BCL11A: variants seen among roughly 807,000 people sequenced by gnomAD.
BCL11A encodes B cell CLL/lymphoma 11A.
In BCL11A, 2 loss-of-function variants were observed where a neutral mutation model predicts 55.9. That is an observed-to-expected ratio of 0.04 (90% CI 0.01 to 0.11). BCL11A has a LOEUF of 0.11. BCL11A is among the 10% of genes least tolerant of loss of function. The probability of loss-of-function intolerance (pLI) is 1.00; values close to 1 mark genes in which losing one functional copy is unlikely to be tolerated. For missense variants in BCL11A, 817 were observed against 1,137.1 expected, an observed-to-expected ratio of 0.72 and a Z score of 4.05; for synonymous variants, 465 against 473.4, an observed-to-expected ratio of 0.98 and a Z score of 0.23.
chr2:60,468,024 T>TGGTGGTGGTGGTGCTGGTGGTC, intron 3 of BCL11A, among the ~76,000 whole-genome samples: 1 of 89,766 alleles, frequency 1.1e-5, no homozygotes, highest in Non-Finnish European at 2.4e-5. Flanking sequence ...GTGGTGGTGG[T>TGGTGGTGGTGGTGCTGGTGGTC]AGTGGTGGTG....
chr2:60,466,677 GGTAA>G (rs1676636631), intron 3 of BCL11A, among the ~76,000 whole-genome samples: 1 of 152,258 alleles, frequency 6.6e-6, no homozygotes, highest in South Asian at 2.1e-4. Context: ...TTACAAGATG[GGTAA>G]GTGTCATCTC....
rs548572394 is a variant in BCL11A, at chr2:60,531,016, C to A, written c.385+14955G>T. Among the ~76,000 whole-genome samples, 12 of 152,352 alleles carry A rather than the reference C, an allele frequency of 7.9e-5. No homozygotes were observed. In the South Asian group the frequency reaches 2.5e-3, roughly 32 times the overall value. On this transcript the variant is annotated intron_variant, in intron 2 of 3. Coordinates refer to ENST00000642384, the MANE Select transcript of BCL11A (RefSeq NM_022893.4). ...CTAAACCAGTCTGGCTACACCATGG[C>A]CAGGGAGAGTAACGCTCCCAATGTA...
At chr2:60,467,138 T>TGGTGGTGATGGTGGTGGTGG (rs1676687968) in intron 3 of BCL11A, among the ~76,000 whole-genome samples, 11 of 61,752 alleles carry the variant, frequency 1.8e-4, no homozygotes, top group Admixed American at 5.2e-4. Flanking sequence ...GATGGTGGTG[T>TGGTGGTGATGGTGGTGGTGG]TGGTGGTGAT....
chr2:60,462,081 G>T lies in BCL11A; in HGVS notation c.831C>A (p.His277Gln). The change falls in exon 4 of 4, where the codon CAC becomes CAA. Residue 277 changes from histidine to glutamine, a missense_variant. Transcript: ENST00000642384. ...CTTCCGCCCCCAGGCGCTCTATGCG[G>T]TGGGGGTCCAAGTGATGTCTCGGTG... ...SPPPRHHLDP[H>Q]RIERLGAEEM... 6.4e-7 allele frequency: 1 copy of T among 1,574,282 alleles called. No individual in the cohort carries two copies.
intron 2 of BCL11A, among the ~76,000 whole-genome samples, chr2:60,530,201 T>C (rs1669384281): frequency 6.6e-6 from 1 of 151,910 alleles, no homozygotes; most frequent in Non-Finnish European, 1.5e-5. Context: ...AGGCTGCGCC[T>C]CTAACAAGAG....
chr2:60,484,691 G>A (rs1166428683), intron 2 of BCL11A, among the ~76,000 whole-genome samples: 2 of 151,340 alleles, frequency 1.3e-5, no homozygotes, highest in African/African-American at 4.9e-5. Context: ...TTGGAGGGGG[G>A]CAAAAAAAGA....
At chr2:60,527,855 TTG>T (rs1351316652) in intron 2 of BCL11A, 3 of 152,230 alleles carry the variant, frequency 2.0e-5, no homozygotes, top group Admixed American at 6.5e-5. Context: ...TTGGAATACA[TTG>T]TGTAATCCAT....
exon 5 of BCL11A, chr2:60,451,799 A>C (rs757073038): frequency 4.3e-6 from 1 of 230,120 alleles, no homozygotes; most frequent in Non-Finnish European, 8.6e-6. Flanking sequence ...CCAAAAGCAT[A>C]TATTTGAAAA....
chr2:60,522,300 C>T (rs957837013), intron 2 of BCL11A: 8 of 152,176 alleles, frequency 5.3e-5, no homozygotes, highest in Non-Finnish European at 7.3e-5. Flanking sequence ...TCAGTAAACA[C>T]CTCTGTATGT....
chr2:60,459,295 A>G lies in BCL11A; in HGVS notation c.*1109T>C. 1 of 1,016,662 alleles carries G rather than the reference A, an allele frequency of 9.8e-7. No homozygotes were observed. The highest frequency in any genetic ancestry group is 4.6e-5 in the South Asian group (1 of 21,544). 63.0% of individuals were successfully genotyped at this position (1,016,662 alleles called of 1,614,324 possible). On this transcript the variant is annotated 3_prime_UTR_variant, in exon 4 of 4. Coordinates refer to ENST00000642384, the MANE Select transcript of BCL11A (RefSeq NM_022893.4). ...CAGTATTTTTAAAAAGACATTATTA[A>G]AGCAAATATCTTCATAAAATGAACT... is the stretch of plus-strand genomic sequence containing the variant.
intron 2 of BCL11A, among the ~76,000 whole-genome samples, chr2:60,509,743 G>A (rs917746954): frequency 6.6e-6 from 1 of 152,090 alleles, no homozygotes; most frequent in Non-Finnish European, 1.5e-5. Flanking sequence ...GCTATAGGCA[G>A]TCAACTGGGG....
At position 60,459,258 on chromosome 2, in the gene BCL11A, T is replaced by A; in HGVS notation, c.*1146A>T. ...GACAACCAAGTAGATCTGGATCTAT[T>A]TCTTTTGGTGCCAGTATTTTTAAAA... is the stretch of plus-strand genomic sequence containing the variant. On this transcript the variant is annotated 3_prime_UTR_variant, in exon 4 of 4. Transcript: ENST00000642384. 1 of 1,018,848 alleles carries A rather than the reference T, an allele frequency of 9.8e-7. No homozygotes were observed. Among genetic ancestry groups the A allele is most frequent in the Non-Finnish European group, 1.2e-6 (1 of 849,018 alleles). The allele number at this position is 1,018,848 out of a possible 1,614,324, so 63.1% of individuals were successfully genotyped here.
chr2:60,462,613 A>G (rs9789627), intron 3 of BCL11A, among the ~76,000 whole-genome samples, 189 bp from the exon 4 acceptor site: 96,250 of 151,732 alleles, frequency 0.63, 31,225 homozygotes, highest in East Asian at 0.98. Context: ...GGTCCAATTG[A>G]TCTTCCTGCC....
rs374201685 is a variant in BCL11A at position 60,461,646 on chromosome 2, G to C, written c.1266C>G (p.Arg422=). Residue 422 remains arginine (R), a synonymous_variant, in exon 4 of 4, where the codon CGC becomes CGG. Coordinates refer to ENST00000642384, the MANE Select transcript of BCL11A (RefSeq NM_022893.4). ...HACTQASKLK[R]HMKTHMHKSS... ...ATTTGTGCATGTGCGTCTTCATGTG[G>C]CGCTTCAGCTTGCTGGCCTGGGTGC... 6.2e-7 allele frequency: 1 copy of C among 1,613,928 alleles called. No homozygotes were observed. Among genetic ancestry groups the C allele is most frequent in the African/African-American group, 1.3e-5 (1 of 75,074 alleles).
chr2:60,488,886 A>G (rs1161854591), intron 2 of BCL11A, among the ~76,000 whole-genome samples: 1 of 152,156 alleles, frequency 6.6e-6, no homozygotes, highest in African/African-American at 2.4e-5. Flanking sequence ...CAGCCTCCCA[A>G]GTAGCTGGGA....
chr2:60,509,459 C>T (rs1258224751), intron 2 of BCL11A, among the ~76,000 whole-genome samples: 3 of 152,170 alleles, frequency 2.0e-5, no homozygotes, highest in South Asian at 4.1e-4. Context: ...GCACAAGACA[C>T]GTGGCAGTGA....
At chr2:60,537,065 C>T (rs1283866859) in intron 2 of BCL11A, 1 of 152,202 alleles carries the variant, frequency 6.6e-6, no homozygotes, top group Non-Finnish European at 1.5e-5. Context: ...AGAAGAAATA[C>T]ATAGTCTTTG....
chr2:60,478,972 T>G (rs1430262221), intron 2 of BCL11A, among the ~76,000 whole-genome samples: 2 of 151,734 alleles, frequency 1.3e-5, no homozygotes, highest in African/African-American at 4.8e-5. Context: ...TTTTTTGTTT[T>G]TTTTTTTTCC....
downstream of BCL11A, chr2:60,452,865 T>G: frequency 1.9e-6 from 1 of 518,872 alleles, no homozygotes; most frequent in Non-Finnish European, 3.5e-6. Context: ...CGTCTTCCCA[T>G]GCCTCCCTCC....
Sources: allele counts gnomAD v4.1 joint callset (sites outside exome capture counted in the v4.1 genomes callset), GRCh38; gene constraint gnomAD v4.1.1; transcripts MANE v1.5; gene names NCBI Gene and HGNC (gene_info 2026-07-23, HGNC 2026-07-21).